The following NRXN3 variants were observed in gnomAD, a reference collection of about 807,000 sequenced individuals.
NRXN3 encodes neurexin III.
Under a neutral mutation model 137.6 loss-of-function variants are expected in NRXN3, and 32 were observed. That is an observed-to-expected ratio of 0.23 (90% CI 0.18 to 0.31). NRXN3 has a LOEUF of 0.31. NRXN3 is among the 10% of genes least tolerant of loss of function. NRXN3 has a pLI of 1.00. For missense variants in NRXN3, 1,574 were observed against 2,062.5 expected, an observed-to-expected ratio of 0.76 and a Z score of 4.59; for synonymous variants, 798 against 784.5, an observed-to-expected ratio of 1.02 and a Z score of -0.29.
At chr14:79,508,706 A>AT (rs1202958457) in intron 16 of NRXN3, among the ~76,000 whole-genome samples, 2 of 151,872 alleles carry the variant, frequency 1.3e-5, no homozygotes, top group Admixed American at 6.6e-5. Context: ...ACAATAACTG[A>AT]TTTTTTAAAG....
intron 15 of NRXN3, among the ~76,000 whole-genome samples, chr14:79,301,556 G>T (rs749071262): frequency 6.6e-6 from 1 of 152,062 alleles, no homozygotes; most frequent in Non-Finnish European, 1.5e-5. Flanking sequence ...TTGTGTGACA[G>T]AAGTGAAACT....
intron 15 of NRXN3, among the ~76,000 whole-genome samples, chr14:79,402,121 G>C (rs746148357): frequency 1.4e-4 from 22 of 151,988 alleles, no homozygotes; most frequent in South Asian, 4.2e-4. Context: ...TTTTTGTAGA[G>C]ACAGGGTCTC....
At position 79,861,373 on chromosome 14, in the gene NRXN3, T is replaced by C; in HGVS notation, c.4125T>C (p.Gly1375=). Residue 1375 remains glycine (G), a synonymous_variant, in exon 21 of 21, where the codon GGT becomes GGC. Coordinates refer to ENST00000335750, the MANE Select transcript of NRXN3 (RefSeq NM_001330195.2). The surrounding 1 kb of genome is among the most constrained non-coding windows in gnomAD (Gnocchi z 5.4). ...GTCTTTCCACTTCAATCTTCGAAGG[T>C]GGCTACAAAGCACATGCGCCCAAGT... ...DKSLSTSIFE[G]GYKAHAPKWE... 6.5e-7 allele frequency: 1 copy of C among 1,536,190 alleles called. No homozygotes were observed. Among genetic ancestry groups the C allele is most frequent in the Non-Finnish European group, 8.7e-7 (1 of 1,146,916 alleles).
intron 16 of NRXN3, among the ~76,000 whole-genome samples, chr14:79,637,981 C>T (rs1603299249): frequency 1.3e-5 from 2 of 151,900 alleles, no homozygotes; most frequent in Non-Finnish European, 2.9e-5. Flanking sequence ...CCACCTGCCT[C>T]GGCCTCCCAA....
chr14:78,530,605 C>G (rs1355344449), intron 4 of NRXN3, among the ~76,000 whole-genome samples: 2 of 152,164 alleles, frequency 1.3e-5, no homozygotes, highest in African/African-American at 4.8e-5. Flanking sequence ...TCCAGATAAC[C>G]AAGTGTAGAC....
At chr14:79,710,186 G>A (rs189343431) in intron 19 of NRXN3, among the ~76,000 whole-genome samples, 1 of 151,568 alleles carries the variant, frequency 6.6e-6, no homozygotes, top group Non-Finnish European at 1.5e-5. Context: ...GTGTTCTTTT[G>A]TCTTTATTGA....
At chr14:79,238,444 G>A (rs1396726584) in intron 15 of NRXN3, among the ~76,000 whole-genome samples, 2 of 152,004 alleles carry the variant, frequency 1.3e-5, no homozygotes, top group African/African-American at 2.4e-5. Context: ...TGGATCTAGG[G>A]CCCAGGAGAG....
intron 16 of NRXN3, among the ~76,000 whole-genome samples, chr14:79,647,792 C>G (rs1413863398): frequency 3.0e-5 from 4 of 135,546 alleles, no homozygotes; most frequent in Non-Finnish European, 6.9e-5. Flanking sequence ...TGAGCATCTT[C>G]TAGTATGTGC....
chr14:78,221,780 C>A (rs528325262), intron 1 of NRXN3, among the ~76,000 whole-genome samples: 2 of 152,228 alleles, frequency 1.3e-5, no homozygotes. Flanking sequence ...CTAGAACAGG[C>A]ATGCTTATCT....
intron 15 of NRXN3, chr14:79,280,385 T>A (rs1328825208): frequency 6.2e-7 from 1 of 1,614,094 alleles, no homozygotes; most frequent in Non-Finnish European, 8.5e-7. Context: ...TATCGTCAGC[T>A]CTGTATGGAG....
intron 10 of NRXN3, among the ~76,000 whole-genome samples, chr14:78,923,214 A>T (rs31350): frequency 0.013 from 1,950 of 152,298 alleles, 45 homozygotes; most frequent in African/African-American, 0.045. Context: ...AATACATTGA[A>T]TATCCTGCCA....
At chr14:78,805,301 T>C (rs1412704345) in intron 9 of NRXN3, among the ~76,000 whole-genome samples, 2 of 152,112 alleles carry the variant, frequency 1.3e-5, no homozygotes, top group Non-Finnish European at 2.9e-5. Context: ...TTTTAGGTTA[T>C]ATTTTTTTCT....
intron 4 of NRXN3, among the ~76,000 whole-genome samples, chr14:78,414,307 A>G (rs2093008915): frequency 6.6e-6 from 1 of 152,070 alleles, no homozygotes; most frequent in African/African-American, 2.4e-5. Flanking sequence ...GCCTCAGCAC[A>G]TGCCTTTTAT....
At chr14:79,068,424 G>A (rs2099683442) in intron 15 of NRXN3, among the ~76,000 whole-genome samples, 1 of 152,000 alleles carries the variant, frequency 6.6e-6, no homozygotes, top group African/African-American at 2.4e-5. Context: ...CTGAGTCAAA[G>A]GCAAAAGCAA....
At chr14:78,711,008 C>A (rs752029199) in intron 7 of NRXN3, among the ~76,000 whole-genome samples, 2 of 152,190 alleles carry the variant, frequency 1.3e-5, no homozygotes, top group Non-Finnish European at 2.9e-5. Flanking sequence ...TCCCGCCACA[C>A]CCCCCATACT....
intron 15 of NRXN3, chr14:79,279,192 G>T (rs974943916): frequency 1.4e-4 from 32 of 236,638 alleles, no homozygotes; most frequent in Non-Finnish European, 2.2e-4. Flanking sequence ...GTGTGCTGGA[G>T]GCTCGCGCGG....
intron 15 of NRXN3, among the ~76,000 whole-genome samples, chr14:79,271,949 G>A (rs930093565): frequency 2.0e-5 from 3 of 152,122 alleles, no homozygotes; most frequent in Non-Finnish European, 4.4e-5. Context: ...GAGGAAGCAG[G>A]CTCAAAAAGT....
rs144104507 is a variant in NRXN3, at chr14:78,711,995, C to G, written c.1660+2340C>G. The stretch of plus-strand genomic sequence containing the variant: ...TAATCTTGAAGAATAATATAACAAA[C>G]AGTGATCTAGAAAAACTTTTATGAT... On this transcript the variant is annotated intron_variant, in intron 7 of 20. Coordinates refer to ENST00000335750, the MANE Select transcript of NRXN3 (RefSeq NM_001330195.2). Among the ~76,000 whole-genome samples the G allele has an allele frequency of 3.5e-3, 536 of 152,272 alleles. 3 individuals are homozygous for G. Among genetic ancestry groups the G allele is most frequent in the Non-Finnish European group, 5.5e-3 (374 of 68,012 alleles).
chr14:79,221,061 T>C (rs1489259347), intron 15 of NRXN3, among the ~76,000 whole-genome samples: 2 of 152,200 alleles, frequency 1.3e-5, no homozygotes, highest in Non-Finnish European at 2.9e-5. Flanking sequence ...GCTTCATCCA[T>C]GTCCCTGCAA....
Sources: allele counts gnomAD v4.1 joint callset (sites outside exome capture counted in the v4.1 genomes callset), GRCh38; gene constraint gnomAD v4.1.1; non-coding constraint Gnocchi (gnomAD v3.1); transcripts MANE v1.5; gene names NCBI Gene and HGNC (gene_info 2026-07-23, HGNC 2026-07-21).